The following CDADC1 variants were observed in gnomAD, a reference collection of about 807,000 sequenced individuals.
CDADC1 encodes the protein cytidine and dCMP deaminase domain containing 1.
In CDADC1, 39 loss-of-function variants were observed where a neutral mutation model predicts 54.9. The observed-to-expected ratio is 0.71, with a 90% CI of 0.55 to 0.93. CDADC1 has a LOEUF of 0.93. CDADC1 is among the 40% of genes least tolerant of loss of function. The pLI, the probability that CDADC1 is intolerant of heterozygous loss-of-function variation, is 0.00. For synonymous variants in CDADC1, 186 were observed against 204.0 expected, an observed-to-expected ratio of 0.91 and a Z score of 0.75; for missense variants, 518 against 618.8, an observed-to-expected ratio of 0.84 and a Z score of 1.73.
At chr13:49,285,861 T>G (rs779232481) in intron 8 of CDADC1, among the ~76,000 whole-genome samples, 8 of 151,908 alleles carry the variant, frequency 5.3e-5, no homozygotes, top group Non-Finnish European at 1.0e-4. Context: ...TCACCCAGGC[T>G]GAAGTGCAGT....
Position 49,279,889 on chromosome 13 carries a change from A to G in CDADC1, c.1221-620A>G, listed in dbSNP as rs181903502. Among the ~76,000 whole-genome samples the G allele has an allele frequency of 7.9e-5, 12 of 152,346 alleles. 1 individual carries two copies. In the East Asian group the frequency reaches 2.3e-3, roughly 29 times the overall value. On this transcript the variant is annotated intron_variant, in intron 7 of 9. Coordinates refer to ENST00000251108, the MANE Select transcript of CDADC1 (RefSeq NM_030911.4). ...CTCTATTCTTTTCCTTGTCCTCTTC[A>G]TTACAGATTTACTTGCTTCATTTTG...
intron 5 of CDADC1, among the ~76,000 whole-genome samples, chr13:49,268,357 T>A (rs1192783572): frequency 6.6e-6 from 1 of 151,998 alleles, no homozygotes. Flanking sequence ...CCACTAAAGG[T>A]AGGACAAGAA....
chr13:49,283,409 TTA>T (rs1953409146), intron 8 of CDADC1, among the ~76,000 whole-genome samples: 1 of 152,076 alleles, frequency 6.6e-6, no homozygotes, highest in South Asian at 2.1e-4. Context: ...CAATAAAAGC[TTA>T]TATCCAACTA....
chr13:49,249,344 C>A (rs1952373033), intron 2 of CDADC1, among the ~76,000 whole-genome samples: 1 of 152,210 alleles, frequency 6.6e-6, no homozygotes, highest in South Asian at 2.1e-4. Flanking sequence ...TTTTACCTAG[C>A]ATATACCCTT....
chr13:49,263,885 C>T (rs1443106109), intron 4 of CDADC1, among the ~76,000 whole-genome samples: 1 of 152,162 alleles, frequency 6.6e-6, no homozygotes, highest in South Asian at 2.1e-4. Flanking sequence ...ATGACAAGAG[C>T]GAAGACCTGT....
At chr13:49,291,292 T>C (rs944138736) in intron 9 of CDADC1, among the ~76,000 whole-genome samples, 2 of 151,150 alleles carry the variant, frequency 1.3e-5, no homozygotes, top group Admixed American at 6.6e-5. Flanking sequence ...CTCAGGCTCC[T>C]GAGTAGCTGG....
intron 6 of CDADC1, among the ~76,000 whole-genome samples, chr13:49,278,095 A>T (rs1196125542): frequency 6.6e-6 from 1 of 152,236 alleles, no homozygotes; most frequent in Non-Finnish European, 1.5e-5. Flanking sequence ...GTAAGATAGT[A>T]TTTAATTAAT....
chr13:49,251,019 GATTTT>G (rs1952416924), intron 2 of CDADC1, among the ~76,000 whole-genome samples: 1 of 152,046 alleles, frequency 6.6e-6, no homozygotes. Context: ...AGCTGTTAGG[GATTTT>G]ATGTAGTGTT....
intron 5 of CDADC1, among the ~76,000 whole-genome samples, chr13:49,273,491 AATTTCT>A (rs1414713881): frequency 3.9e-5 from 6 of 152,202 alleles, no homozygotes; most frequent in Non-Finnish European, 5.9e-5. Flanking sequence ...TAATATGTAG[AATTTCT>A]ATTTTGTTTT....
chr13:49,280,634 G>GA lies in CDADC1; in HGVS notation c.1352dup (p.Lys452GlufsTer13). Reference sequence around the variant, plus strand: ...ATCTATGCAGGAGATGTAGATGTTGGAAAAAAGAAGGCAGACATCTCTTAC... The same window carrying GA: ...ATCTATGCAGGAGATGTAGATGTTGGAAAAAAAGAAGGCAGACATCTCTTAC... On this transcript the variant is annotated frameshift_variant, in exon 8 of 10. Coordinates refer to ENST00000251108, the MANE Select transcript of CDADC1 (RefSeq NM_030911.4). LOFTEE classifies it high-confidence loss of function. The GA allele has an allele frequency of 3.7e-6, 6 of 1,601,232 alleles. No individual in the cohort carries two copies. Among genetic ancestry groups the GA allele is most frequent in the Admixed American group, 1.7e-5 (1 of 57,508 alleles).
In CDADC1 at chr13:49,292,243, T is replaced by A. The variant is rs751788277; in HGVS notation, c.*486T>A. On this transcript the variant is annotated 3_prime_UTR_variant, in exon 10 of 10. Transcript: ENST00000251108. ...AAGATCACATTTATACCCAAAGCTTTCTAGTAATCAGAATTTACTTAATTA... is the reference window on the plus strand; with the variant it reads ...AAGATCACATTTATACCCAAAGCTTACTAGTAATCAGAATTTACTTAATTA... 8.7e-5 allele frequency: 85 copies of A among 980,220 alleles called. No homozygotes were observed. The highest frequency in any genetic ancestry group is 1.0e-4 in the Non-Finnish European group (82 of 823,560). 60.7% of individuals were successfully genotyped at this position (980,220 alleles called of 1,614,324 possible). A position where few individuals can be genotyped will look rare whatever the true frequency, so the allele number is the denominator to read the frequency against.
At chr13:49,251,818 C>T (rs1195564117) in intron 2 of CDADC1, among the ~76,000 whole-genome samples, 2 of 150,904 alleles carry the variant, frequency 1.3e-5, no homozygotes, top group African/African-American at 4.9e-5. Flanking sequence ...AACTTTATAT[C>T]ATGTTTAACA....
intron 6 of CDADC1, among the ~76,000 whole-genome samples, chr13:49,276,827 G>A (rs911548983): frequency 2.0e-5 from 3 of 152,196 alleles, no homozygotes; most frequent in African/African-American, 7.2e-5. Flanking sequence ...CTTGTTTACA[G>A]TTGTATTCCA....
At chr13:49,258,407 C>A (rs945018190) in intron 3 of CDADC1, among the ~76,000 whole-genome samples, 4 of 152,218 alleles carry the variant, frequency 2.6e-5, no homozygotes, top group Non-Finnish European at 5.9e-5. Flanking sequence ...ACAGCATAGA[C>A]TGTTTTGTGC....
At position 49,248,962 on chromosome 13, in the gene CDADC1, T is replaced by G; in HGVS notation, c.174T>G (p.Ser58=). 1.3e-6 allele frequency: 2 copies of G among 1,591,328 alleles called. No individual in the cohort carries two copies. ...CAGCAGAAGCCCAGCGGCAAAAATC[T>G]CAGGTATAATTTGTTTCATAGTTTT... ...LFPAEAQRQK[S]QKNEEGKHGP... The change falls in exon 2 of 10, where the codon TCT becomes TCG. Residue 58 remains serine (S), a synonymous_variant. Transcript: ENST00000251108.
intron 7 of CDADC1, among the ~76,000 whole-genome samples, chr13:49,280,079 T>C (rs1468341389): frequency 6.6e-6 from 1 of 152,190 alleles, no homozygotes; most frequent in Non-Finnish European, 1.5e-5. Context: ...GCTGTGTCAT[T>C]TGTCTAACAA....
chr13:49,250,293 A>G (rs1952395371), intron 2 of CDADC1, among the ~76,000 whole-genome samples: 1 of 152,202 alleles, frequency 6.6e-6, no homozygotes, highest in Non-Finnish European at 1.5e-5. Context: ...TTTACTGTGG[A>G]TGAGGTTTTG....
At chr13:49,269,264 TATACTTTTTACTTTTATAAAAA>T in intron 5 of CDADC1, among the ~76,000 whole-genome samples, 1 of 37,796 alleles carries the variant, frequency 2.6e-5, no homozygotes, top group Non-Finnish European at 6.9e-5. Flanking sequence ...GTACAGATGC[TATACTTTTTACTTTTATAAAAA>T]GTACAGATGC....
At chr13:49,276,867 G>C (rs1953153265) in intron 6 of CDADC1, among the ~76,000 whole-genome samples, 1 of 152,140 alleles carries the variant, frequency 6.6e-6, no homozygotes, top group African/African-American at 2.4e-5. Flanking sequence ...CTGGTGGTTG[G>C]AACTCTCATT....
Sources: gnomAD v4.1 joint callset for allele counts (sites outside exome capture counted in the v4.1 genomes callset) on GRCh38, gnomAD v4.1.1 for gene constraint, MANE v1.5 for transcripts, NCBI Gene and HGNC (gene_info 2026-07-23, HGNC 2026-07-21) for gene names.